The following FMN2 variants were observed in gnomAD, a reference collection of about 807,000 sequenced individuals.
FMN2 encodes the protein formin-2.
Under a neutral mutation model 142.3 loss-of-function variants are expected in FMN2, and 51 were observed. That is an observed-to-expected ratio of 0.36 (90% CI 0.29 to 0.45). The LOEUF is 0.45. FMN2 is among the 20% of genes least tolerant of loss of function. FMN2 has a pLI of 1.00. For synonymous variants in FMN2, 882 were observed against 869.8 expected (o/e 1.01, Z -0.25); for missense variants, 1,936 against 2,122.8 (o/e 0.91, Z 1.73).
intron 15 of FMN2, among the ~76,000 whole-genome samples, chr1:240,399,014 G>A (rs182222397): frequency 2.6e-5 from 4 of 152,144 alleles, no homozygotes; most frequent in Non-Finnish European, 4.4e-5. Flanking sequence ...GGGCAGTCTC[G>A]GATGGTTATG....
At chr1:240,241,825 CTTTTT>C (rs71567282) in intron 6 of FMN2, among the ~76,000 whole-genome samples, 11 of 96,214 alleles carry the variant, frequency 1.1e-4, no homozygotes, top group African/African-American at 3.8e-4. Context: ...GTGTGCCTTG[CTTTTT>C]TTTTTTTTTT....
At chr1:240,361,249 C>T (rs1185962308) in intron 14 of FMN2, among the ~76,000 whole-genome samples, 2 of 147,300 alleles carry the variant, frequency 1.4e-5, no homozygotes, top group Admixed American at 1.4e-4. Flanking sequence ...TTGGTAGTTG[C>T]GTCGTGGGAG....
At chr1:240,357,703 G>A (rs1357552414) in intron 14 of FMN2, among the ~76,000 whole-genome samples, 1 of 151,400 alleles carries the variant, frequency 6.6e-6, no homozygotes, top group Non-Finnish European at 1.5e-5. Context: ...CACCTCCCAG[G>A]TTCAAGTGAT....
intron 4 of FMN2, among the ~76,000 whole-genome samples, chr1:240,201,033 C>G (rs994061161): frequency 6.6e-6 from 1 of 152,076 alleles, no homozygotes; most frequent in Non-Finnish European, 1.5e-5. Context: ...TTGTATCTTA[C>G]ATTTGAAAAC....
chr1:240,451,207 A>C (rs1676028061), intron 16 of FMN2, among the ~76,000 whole-genome samples: 1 of 152,006 alleles, frequency 6.6e-6, no homozygotes, highest in South Asian at 2.1e-4. Context: ...CTCTACTAAA[A>C]ATACAAAAAT....
chr1:240,442,753 C>T (rs1675669381), intron 16 of FMN2, among the ~76,000 whole-genome samples: 2 of 152,140 alleles, frequency 1.3e-5, no homozygotes. Flanking sequence ...ATCCTGATGA[C>T]GCATGTGATT....
chr1:240,338,962 G>T lies in FMN2; in HGVS notation c.4765+4733G>T, dbSNP rs570045383. ...ATCAGACATTAGATTCTCCTAAGGAGCATTCAACCGAGATCCTGCACATGC... is the reference window on the plus strand; with the variant it reads ...ATCAGACATTAGATTCTCCTAAGGATCATTCAACCGAGATCCTGCACATGC... On this transcript the variant is annotated intron_variant, in intron 13 of 17. Coordinates refer to ENST00000319653, the MANE Select transcript of FMN2 (RefSeq NM_020066.5). Among the ~76,000 whole-genome samples, 10 of 152,304 alleles carry T rather than the reference G, an allele frequency of 6.6e-5. No individual in the cohort carries two copies. The East Asian group carries it at 1.9e-3, about 29-fold the overall frequency.
At chr1:240,402,708 G>A (rs939463140) in intron 15 of FMN2, among the ~76,000 whole-genome samples, 1 of 152,170 alleles carries the variant, frequency 6.6e-6, no homozygotes, top group African/African-American at 2.4e-5. Context: ...AAATATGATT[G>A]TTTTTATTTC....
At chr1:240,323,991 A>T (rs1671067219) in intron 8 of FMN2, among the ~76,000 whole-genome samples, 1 of 152,306 alleles carries the variant, frequency 6.6e-6, no homozygotes, top group South Asian at 2.1e-4. Flanking sequence ...GTACCACAAA[A>T]GGAACACCTG....
intron 2 of FMN2, among the ~76,000 whole-genome samples, chr1:240,129,684 G>A (rs1662656632): frequency 6.6e-6 from 1 of 151,820 alleles, no homozygotes; most frequent in Non-Finnish European, 1.5e-5. Context: ...TGTATTTTTA[G>A]TAGAGATGGG....
At chr1:240,456,778 CCTT>C (rs1429077778) in intron 16 of FMN2, among the ~76,000 whole-genome samples, 2 of 152,174 alleles carry the variant, frequency 1.3e-5, no homozygotes, top group Non-Finnish European at 2.9e-5. Flanking sequence ...ATTCTAAAAT[CCTT>C]CTAAGCCCTA....
chr1:240,204,423 G>C (rs949502654), intron 4 of FMN2, among the ~76,000 whole-genome samples: 2 of 151,986 alleles, frequency 1.3e-5, no homozygotes, highest in African/African-American at 4.8e-5. Flanking sequence ...AATGTAGCAA[G>C]ACTCTGTTGT....
intron 2 of FMN2, among the ~76,000 whole-genome samples, chr1:240,165,361 G>T (rs1664437031): frequency 6.6e-6 from 1 of 151,896 alleles, no homozygotes; most frequent in Admixed American, 6.6e-5. Flanking sequence ...TTTTTTGTAG[G>T]GACGGGGTCT....
chr1:240,364,501 T>C (rs1672596720), intron 14 of FMN2, among the ~76,000 whole-genome samples: 3 of 152,170 alleles, frequency 2.0e-5, no homozygotes, highest in Admixed American at 2.0e-4. Flanking sequence ...GTACCTTTCT[T>C]GCCACTCTTA....
At chr1:240,405,284 A>G (rs888850388) in intron 15 of FMN2, among the ~76,000 whole-genome samples, 1 of 152,194 alleles carries the variant, frequency 6.6e-6, no homozygotes, top group African/African-American at 2.4e-5. Context: ...TTTTTAAAAA[A>G]ATAGAAAGTA....
intron 7 of FMN2, among the ~76,000 whole-genome samples, chr1:240,278,601 G>C (rs1030299741): frequency 6.6e-6 from 1 of 152,108 alleles, no homozygotes; most frequent in South Asian, 2.1e-4. Context: ...TTTATTAATA[G>C]GAAATTGCTT....
chr1:240,175,590 G>A (rs12723286), intron 2 of FMN2, among the ~76,000 whole-genome samples: 41,696 of 148,916 alleles, frequency 0.28, 5,822 homozygotes, highest in South Asian at 0.35. Flanking sequence ...GACTTCCGGG[G>A]CTCAAGTGAT....
chr1:240,097,437 G>T (rs1023121643), intron 1 of FMN2, among the ~76,000 whole-genome samples: 2 of 150,396 alleles, frequency 1.3e-5, no homozygotes, highest in South Asian at 4.3e-4. Flanking sequence ...CTCACTGCAA[G>T]CTCCGCCTCC....
chr1:240,276,371 C>T (rs61829193), intron 7 of FMN2, among the ~76,000 whole-genome samples: 15,459 of 151,952 alleles, frequency 0.1, 840 homozygotes, highest in South Asian at 0.15. Context: ...AATAATGGTG[C>T]GTGGTTAAGA....
Sources: gnomAD v4.1 joint callset for allele counts (sites outside exome capture counted in the v4.1 genomes callset) on GRCh38, gnomAD v4.1.1 for gene constraint, MANE v1.5 for transcripts, NCBI Gene and HGNC (gene_info 2026-07-23, HGNC 2026-07-21) for gene names.